ZC3HC1: variants seen among roughly 807,000 people sequenced by gnomAD.
ZC3HC1 encodes the protein zinc finger C3HC-type protein 1.
In ZC3HC1, 38 loss-of-function variants were observed where a neutral mutation model predicts 61.9. That is an observed-to-expected ratio of 0.61 (90% CI 0.47 to 0.81). The LOEUF (loss-of-function observed/expected upper bound fraction) is 0.81, where lower values mean the gene tolerates loss of function less well. Among genes scored for constraint, ZC3HC1 ranks in the 30% least tolerant of loss-of-function variants. ZC3HC1 has a pLI of 0.00. For missense variants in ZC3HC1, 554 were observed against 622.7 expected, an observed-to-expected ratio of 0.89 and a Z score of 1.17; for synonymous variants, 213 against 229.9, an observed-to-expected ratio of 0.93 and a Z score of 0.67.
chr7:130,034,497 A>G (rs1198334300), intron 4 of ZC3HC1, among the ~76,000 whole-genome samples: 1 of 142,964 alleles, frequency 7.0e-6, no homozygotes, highest in Non-Finnish European at 1.5e-5. Flanking sequence ...AAAAAAAAAA[A>G]AAAAAAAAAA....
At chr7:130,035,958 T>C (rs537671192) in intron 4 of ZC3HC1, among the ~76,000 whole-genome samples, 1 of 152,286 alleles carries the variant, frequency 6.6e-6, no homozygotes, top group African/African-American at 2.4e-5. Context: ...GCTTGCTACT[T>C]AGCAATGGGT....
rs1235032729 is a variant in ZC3HC1, at chr7:130,025,744, A to G, written c.776+414T>C. Among the ~76,000 whole-genome samples, 297 of 151,844 alleles carry G rather than the reference A, an allele frequency of 2.0e-3. 2 individuals are homozygous for G. Among genetic ancestry groups the G allele is most frequent in the African/African-American group, 6.8e-3 (280 of 41,430 alleles). Reference sequence around the variant, plus strand: ...TTAGCTGGGCGTGTGGCAGGCACCTATAGTCCCAGCTACTCGGGAGGCTGA... The same window carrying G: ...TTAGCTGGGCGTGTGGCAGGCACCTGTAGTCCCAGCTACTCGGGAGGCTGA... On this transcript the variant is annotated intron_variant, in intron 6 of 9. Transcript: ENST00000358303.
chr7:130,024,762 G>A (rs1198630461), intron 6 of ZC3HC1, among the ~76,000 whole-genome samples: 6 of 151,798 alleles, frequency 4.0e-5, no homozygotes, highest in East Asian at 3.9e-4. Flanking sequence ...AAAGTTTCTC[G>A]GCCGGGTGCA....
intron 4 of ZC3HC1, among the ~76,000 whole-genome samples, chr7:130,029,268 G>A (rs1042006042): frequency 6.6e-6 from 1 of 152,060 alleles, no homozygotes; most frequent in African/African-American, 2.4e-5. Context: ...CAGCTACTCG[G>A]GAGGCTAAGA....
At chr7:130,025,822 G>A (rs529974223) in intron 6 of ZC3HC1, among the ~76,000 whole-genome samples, 54 of 132,952 alleles carry the variant, frequency 4.1e-4, no homozygotes, top group African/African-American at 1.5e-3. Flanking sequence ...AGCTGAGATC[G>A]CGCACGCCAC....
At chr7:130,029,088 C>T (rs564510383) in intron 4 of ZC3HC1, 59 bp from the exon 5 acceptor site, 10 of 1,535,672 alleles carry the variant, frequency 6.5e-6, no homozygotes, top group South Asian at 5.9e-5. Context: ...ATAAAAAACA[C>T]GGCTGGGCAT....
chr7:130,048,911 T>C, intron 2 of ZC3HC1, 122 bp downstream of exon 2: 1 of 650,986 alleles, frequency 1.5e-6, no homozygotes, highest in Non-Finnish European at 2.3e-6. Flanking sequence ...CTGACTTTCC[T>C]ATATAATTTC....
intron 2 of ZC3HC1, among the ~76,000 whole-genome samples, chr7:130,043,185 G>A (rs938195313): frequency 6.6e-6 from 1 of 152,060 alleles, no homozygotes; most frequent in Admixed American, 6.6e-5. Context: ...GCTGAGGCAG[G>A]AGACTCGCTT....
intron 2 of ZC3HC1, among the ~76,000 whole-genome samples, chr7:130,043,159 C>T (rs1794744884): frequency 6.6e-6 from 1 of 151,990 alleles, no homozygotes; most frequent in Non-Finnish European, 1.5e-5. Context: ...TACCTGTAAT[C>T]CCAGCTATTG....
chr7:130,032,307 T>G (rs1448372081), intron 4 of ZC3HC1, among the ~76,000 whole-genome samples: 1 of 152,010 alleles, frequency 6.6e-6, no homozygotes, highest in East Asian at 1.9e-4. Flanking sequence ...ATGCCCTTCC[T>G]CCACCATCCC....
At chr7:130,021,616 C>T (rs1311302304) in intron 9 of ZC3HC1, among the ~76,000 whole-genome samples, 1 of 152,158 alleles carries the variant, frequency 6.6e-6, no homozygotes, top group Non-Finnish European at 1.5e-5. Flanking sequence ...GGTGTCAGAG[C>T]CCAGTGCTCC....
intron 9 of ZC3HC1, 70 bp from the exon 10 acceptor site, chr7:130,018,802 C>A: frequency 1.5e-6 from 2 of 1,368,300 alleles, no homozygotes; most frequent in Non-Finnish European, 2.1e-6. Context: ...TCATTTGTCC[C>A]ACAATGATCT....
At position 130,038,716 on chromosome 7, in the gene ZC3HC1, A is replaced by G. The variant is rs549370816; in HGVS notation, c.493+748T>C. On this transcript the variant is annotated intron_variant, in intron 4 of 9. Coordinates refer to ENST00000358303, the MANE Select transcript of ZC3HC1 (RefSeq NM_016478.5). ...TCTACAAAAAATTTTAAAAATTAGC[A>G]GGGTGTGGCAGCGTGTACCTGTAAT... Among the ~76,000 whole-genome samples the G allele has an allele frequency of 7.9e-5, 12 of 151,824 alleles. No individual in the cohort carries two copies. In the South Asian group the frequency reaches 2.3e-3, roughly 29 times the overall value.
intron 2 of ZC3HC1, among the ~76,000 whole-genome samples, chr7:130,048,681 C>T (rs1794958433): frequency 6.6e-6 from 1 of 152,132 alleles, no homozygotes; most frequent in Non-Finnish European, 1.5e-5. Context: ...GTCATATAAC[C>T]TGCCCCAAAC....
intron 5 of ZC3HC1, among the ~76,000 whole-genome samples, chr7:130,027,723 T>A (rs1793981990): frequency 6.6e-6 from 1 of 151,974 alleles, no homozygotes; most frequent in South Asian, 2.1e-4. Context: ...TTCACCATGT[T>A]GGCCAGGCTG....
chr7:130,051,170 A>C, intron 1 of ZC3HC1, 51 bp downstream of exon 1: 1 of 1,559,498 alleles, frequency 6.4e-7, no homozygotes, highest in Admixed American at 2.1e-5. Flanking sequence ...CCCTTCCCCA[A>C]GCCTTCTTCA....
chr7:130,049,016 G>A lies in ZC3HC1; in HGVS notation c.258+17C>T. The A allele has an allele frequency of 6.3e-7, 1 of 1,577,550 alleles. No individual in the cohort carries two copies. Among genetic ancestry groups the A allele is most frequent in the Admixed American group, 1.8e-5 (1 of 55,434 alleles). On this transcript the variant is annotated intron_variant, in intron 2 of 9. Transcript: ENST00000358303. Reference sequence around the variant, plus strand: ...AGCAGGCAGAAAGTGCAATTCACATGAACTAAAAAAGGATATAGAAAATGT... The same window carrying A: ...AGCAGGCAGAAAGTGCAATTCACATAAACTAAAAAAGGATATAGAAAATGT...
chr7:130,050,202 C>A (rs1006504616), intron 1 of ZC3HC1, among the ~76,000 whole-genome samples: 1 of 152,124 alleles, frequency 6.6e-6, no homozygotes, highest in Admixed American at 6.6e-5. Flanking sequence ...CTCAGCCTCC[C>A]GAGTAGCTGG....
chr7:130,024,117 T>C, intron 7 of ZC3HC1, 146 bp downstream of exon 7: 1 of 1,208,968 alleles, frequency 8.3e-7, no homozygotes, highest in East Asian at 2.4e-5. Context: ...GCTTCCCCAT[T>C]AGTGAACAGA....
Sources: gnomAD v4.1 joint callset for allele counts (sites outside exome capture counted in the v4.1 genomes callset) on GRCh38, gnomAD v4.1.1 for gene constraint, MANE v1.5 for transcripts, NCBI Gene and HGNC (gene_info 2026-07-23, HGNC 2026-07-21) for gene names.